Variants in C10orf95 observed in about 807,000 individuals in gnomAD.
C10orf95 encodes the protein chromosome 10 open reading frame 95, also known as uncharacterized protein C10orf95.
For missense variants in C10orf95, 412 were observed against 327.4 expected, an observed-to-expected ratio of 1.26 and a Z score of -1.99; for synonymous variants, 188 against 160.4, an observed-to-expected ratio of 1.17 and a Z score of -1.30.
Position 102,451,111 on chromosome 10 carries a change from G to C in C10orf95, c.-18C>G. 6.9e-7 allele frequency: 1 copy of C among 1,441,962 alleles called. No individual in the cohort carries two copies. The highest frequency in any genetic ancestry group is 9.1e-7 in the Non-Finnish European group (1 of 1,100,320). The allele number at this position is 1,441,962 out of a possible 1,614,324, so 89.3% of individuals were successfully genotyped here. On this transcript the variant is annotated 5_prime_UTR_variant, in exon 2 of 2. Transcript: ENST00000625129. ...ACATACATGGTCGGCCCCCCAGGCG[G>C]CTGCTGTTCTTACTGGGGGCTCCTG...
Position 102,449,851 on chromosome 10 carries a change from T to C in C10orf95, c.*601A>G, listed in dbSNP as rs2061680538. The C allele has an allele frequency of 6.6e-6, 1 of 150,958 alleles. No homozygotes were observed. Among genetic ancestry groups the C allele is most frequent in the Admixed American group, 6.6e-5 (1 of 15,100 alleles). 9.4% of individuals were successfully genotyped at this position (150,958 alleles called of 1,614,324 possible). ...TTTTTTTTTTTGTAGAGACAGGGTT[T>C]CGCCATGTTGCCTAGGCTGGTCTCC... On this transcript the variant is annotated 3_prime_UTR_variant, in exon 2 of 2. Coordinates refer to ENST00000625129, the MANE Select transcript of C10orf95 (RefSeq NM_001363580.1).
intron 1 of C10orf95, 67 bp downstream of exon 1, chr10:102,451,319 C>G: frequency 6.6e-7 from 1 of 1,513,656 alleles, no homozygotes; most frequent in Non-Finnish European, 8.9e-7. Context: ...CTCAGGCTCC[C>G]AGCAGACAAT....
chr10:102,450,201 G>T lies in C10orf95; in HGVS notation c.*251C>A. On this transcript the variant is annotated 3_prime_UTR_variant, in exon 2 of 2. Transcript: ENST00000625129. Reference sequence around the variant, plus strand: ...CACTTCCCAAGGTGCAAGAAGAAAAGAGGTACAGAACACCCAGAGGTGCCC... The same window carrying T: ...CACTTCCCAAGGTGCAAGAAGAAAATAGGTACAGAACACCCAGAGGTGCCC... 2 of 629,664 alleles carry T rather than the reference G, an allele frequency of 3.2e-6. No individual in the cohort carries two copies. Among genetic ancestry groups the T allele is most frequent in the African/African-American group, 1.8e-5 (1 of 55,054 alleles). 39.0% of individuals were successfully genotyped at this position (629,664 alleles called of 1,614,324 possible).
rs1564629122 is a variant in C10orf95 at position 102,451,540 on chromosome 10, G to GTCTGTCTACACCTGGGTGAGC, written c.-210_-209insGCTCACCCAGGTGTAGACAGA. 1 of 1,288,048 alleles carries GTCTGTCTACACCTGGGTGAGC rather than the reference G, an allele frequency of 7.8e-7. No individual in the cohort carries two copies. Among genetic ancestry groups the GTCTGTCTACACCTGGGTGAGC allele is most frequent in the Admixed American group, 2.1e-5 (1 of 47,118 alleles). 79.8% of individuals were successfully genotyped at this position (1,288,048 alleles called of 1,614,324 possible). On this transcript the variant is annotated 5_prime_UTR_variant, in exon 1 of 2. Coordinates refer to ENST00000625129, the MANE Select transcript of C10orf95 (RefSeq NM_001363580.1). ...CTTGAGCTGGCCAGGAGCTACCAGC[G>GTCTGTCTACACCTGGGTGAGC]TCTGTCTACACCTGGGTGAGCCGTA...
At chr10:102,451,289 GT>G in intron 1 of C10orf95, 96 bp downstream of exon 1, 1 of 1,454,562 alleles carries the variant, frequency 6.9e-7, no homozygotes, top group Non-Finnish European at 9.1e-7. Flanking sequence ...CTAGCCTCTT[GT>G]CCCAAGGTCG....
chr10:102,450,401 G>C lies in C10orf95; in HGVS notation c.*51C>G, dbSNP rs1187595595. ...TGCCTGTCGGCGGCGGCACACACAG[G>C]AAAGAGCCAAGCGCGTGCACGCGGG... is the stretch of plus-strand genomic sequence containing the variant. On this transcript the variant is annotated 3_prime_UTR_variant, in exon 2 of 2. Transcript: ENST00000625129. The C allele has an allele frequency of 2.0e-5, 31 of 1,515,612 alleles. No homozygotes were observed. Among genetic ancestry groups the C allele is most frequent in the Non-Finnish European group, 2.7e-5 (30 of 1,130,802 alleles). 93.9% of individuals were successfully genotyped at this position (1,515,612 alleles called of 1,614,324 possible). A position where few individuals can be genotyped will look rare whatever the true frequency, so the allele number is the denominator to read the frequency against.
Position 102,450,080 on chromosome 10 carries a change from A to G in C10orf95, c.*372T>C, listed in dbSNP as rs1046223837. On this transcript the variant is annotated 3_prime_UTR_variant, in exon 2 of 2. Coordinates refer to ENST00000625129, the MANE Select transcript of C10orf95 (RefSeq NM_001363580.1). Reference sequence around the variant, plus strand: ...CGACTCTGATAGAGGGAAAAGAGGAAGGGAAAGTTGGGGCTTACTGCAGGG... The same window carrying G: ...CGACTCTGATAGAGGGAAAAGAGGAGGGGAAAGTTGGGGCTTACTGCAGGG... 1 of 289,468 alleles carries G rather than the reference A, an allele frequency of 3.5e-6. No homozygotes were observed. The highest frequency in any genetic ancestry group is 7.1e-6 in the Non-Finnish European group (1 of 141,652). The allele number at this position is 289,468 out of a possible 1,614,324, so 17.9% of individuals were successfully genotyped here.
Position 102,450,794 on chromosome 10 carries a change from C to T in C10orf95, c.300G>A (p.Gln100=). The change falls in exon 2 of 2, where the codon CAG becomes CAA. Residue 100 remains glutamine (Q), a synonymous_variant. Coordinates refer to ENST00000625129, the MANE Select transcript of C10orf95 (RefSeq NM_001363580.1). ...AAAGISGLSL[Q]APAAVAESWA... is the part of the protein sequence containing the mutation. ...AGCTCTCGGCCACCGCCGCGGGCGC[C>T]TGCAGCGACAGTCCCGAGATGCCGG... 2.4e-6 allele frequency: 3 copies of T among 1,267,972 alleles called. No homozygotes were observed. The highest frequency in any genetic ancestry group is 2.7e-5 in the South Asian group (1 of 37,256). 78.5% of individuals were successfully genotyped at this position (1,267,972 alleles called of 1,614,324 possible).
chr10:102,450,292 GAA>G lies in C10orf95; in HGVS notation c.*158_*159del. The G allele has an allele frequency of 1.2e-6, 1 of 802,886 alleles. No individual in the cohort carries two copies. The highest frequency in any genetic ancestry group is 2.1e-6 in the Non-Finnish European group (1 of 481,612). 49.7% of individuals were successfully genotyped at this position (802,886 alleles called of 1,614,324 possible). ...AATAAAGCGAGAGAAACAAGTGCAG[GAA>G]ACTGGCCGGCAGTCATGGGAGAAGC... On this transcript the variant is annotated 3_prime_UTR_variant, in exon 2 of 2. Coordinates refer to ENST00000625129, the MANE Select transcript of C10orf95 (RefSeq NM_001363580.1).
rs2061688568 is a variant in C10orf95 at position 102,450,940 on chromosome 10, A to C, written c.154T>G (p.Trp52Gly). 7.9e-7 allele frequency: 1 copy of C among 1,261,574 alleles called. No individual in the cohort carries two copies. The highest frequency in any genetic ancestry group is 1.5e-5 in the African/African-American group (1 of 65,360). The allele number at this position is 1,261,574 out of a possible 1,614,324, so 78.1% of individuals were successfully genotyped here. A position where few individuals can be genotyped will look rare whatever the true frequency, so the allele number is the denominator to read the frequency against. ...CGGTGGTATTCCCGTGGGGCCGCCC[A>C]CTCGCCCGCATGCAGGCTCCCGGGC... Reference protein sequence around the residue: ...SRPGSLHAGEWAAPREYHRFY... With the variant: ...SRPGSLHAGEGAAPREYHRFY... The change falls in exon 2 of 2, where the codon TGG becomes GGG. Residue 52 changes from tryptophan to glycine, a missense_variant. Physicochemically the swap from Trp to Gly is radical, Grantham distance 184. Coordinates refer to ENST00000625129, the MANE Select transcript of C10orf95 (RefSeq NM_001363580.1).
chr10:102,451,179 T>C (rs2061690878), intron 1 of C10orf95, 32 bp from the exon 2 acceptor site: 7 of 1,469,934 alleles, frequency 4.8e-6, no homozygotes, highest in Non-Finnish European at 5.4e-6. Context: ...GTAGACAGAC[T>C]TTCTACTTAA....
chr10:102,451,104 C>G lies in C10orf95; in HGVS notation c.-11G>C, dbSNP rs73349055. 6.9e-7 allele frequency: 1 copy of G among 1,440,726 alleles called. No individual in the cohort carries two copies. Among genetic ancestry groups the G allele is most frequent in the South Asian group, 1.6e-5 (1 of 62,020 alleles). 89.2% of individuals were successfully genotyped at this position (1,440,726 alleles called of 1,614,324 possible). On this transcript the variant is annotated 5_prime_UTR_variant, in exon 2 of 2. Coordinates refer to ENST00000625129, the MANE Select transcript of C10orf95 (RefSeq NM_001363580.1). ...GCTGTACACATACATGGTCGGCCCC[C>G]CAGGCGGCTGCTGTTCTTACTGGGG...
rs1281061632 is a variant in C10orf95, at chr10:102,450,902, G to A, written c.192C>T (p.Pro64=). Residue 64 remains proline (P), a synonymous_variant, in exon 2 of 2, where the codon CCC becomes CCT. Coordinates refer to ENST00000625129, the MANE Select transcript of C10orf95 (RefSeq NM_001363580.1). ...APREYHRFYG[P]AAPPEAAPPW... ...GCGGCGCGGCCTCGGGTGGCGCGGC[G>A]GGGCCGTAGAAGCGGTGGTATTCCC... The A allele has an allele frequency of 1.6e-6, 2 of 1,236,314 alleles. No homozygotes were observed. Among genetic ancestry groups the A allele is most frequent in the African/African-American group, 3.1e-5 (2 of 64,524 alleles). 76.6% of individuals were successfully genotyped at this position (1,236,314 alleles called of 1,614,324 possible).
chr10:102,451,466 C>A lies in C10orf95; in HGVS notation c.-135G>T. 7.1e-7 allele frequency: 1 copy of A among 1,411,464 alleles called. No individual in the cohort carries two copies. 87.4% of individuals were successfully genotyped at this position (1,411,464 alleles called of 1,614,324 possible). ...ACTTTGTAGCTGCGTTGCTCCGCTC[C>A]ATGCCCTGCCTCAGCCACTCCTCCT... On this transcript the variant is annotated 5_prime_UTR_variant, in exon 1 of 2. The change abolishes an upstream ATG in the 5' untranslated region. Transcript: ENST00000625129.
At position 102,451,507 on chromosome 10, in the gene C10orf95, G is replaced by A; in HGVS notation, c.-176C>T. 7.3e-7 allele frequency: 1 copy of A among 1,367,468 alleles called. No homozygotes were observed. The highest frequency in any genetic ancestry group is 9.7e-7 in the Non-Finnish European group (1 of 1,030,610). The allele number at this position is 1,367,468 out of a possible 1,614,324, so 84.7% of individuals were successfully genotyped here. ...CACTCCTCCTGGTTACCAGGCAAAA[G>A]GAAACACCTTGAGCTGGCCAGGAGC... On this transcript the variant is annotated 5_prime_UTR_variant, in exon 1 of 2. Coordinates refer to ENST00000625129, the MANE Select transcript of C10orf95 (RefSeq NM_001363580.1).
chr10:102,450,350 C>G lies in C10orf95; in HGVS notation c.*102G>C, dbSNP rs1467690072. The G allele has an allele frequency of 7.8e-7, 1 of 1,289,674 alleles. No homozygotes were observed. Among genetic ancestry groups the G allele is most frequent in the South Asian group, 1.3e-5 (1 of 78,898 alleles). The allele number at this position is 1,289,674 out of a possible 1,614,324, so 79.9% of individuals were successfully genotyped here. ...AGACAGGTGAGCAGCGCGTCCGCCT[C>G]CCGCGCACAGGTGAGGGCTCACTTC... On this transcript the variant is annotated 3_prime_UTR_variant, in exon 2 of 2. Coordinates refer to ENST00000625129, the MANE Select transcript of C10orf95 (RefSeq NM_001363580.1).
chr10:102,451,195 TC>T, intron 1 of C10orf95, 48 bp from the exon 2 acceptor site: 1 of 1,461,850 alleles, frequency 6.8e-7, no homozygotes, highest in Non-Finnish European at 9.0e-7. Context: ...CTTAACCGCC[TC>T]CTGTCCCTGT....
rs2061684558 is a variant in C10orf95 at position 102,450,502 on chromosome 10, G to T, written c.592C>A (p.Arg198=). The T allele has an allele frequency of 7.0e-7, 1 of 1,436,336 alleles. No homozygotes were observed. The highest frequency in any genetic ancestry group is 1.5e-5 in the African/African-American group (1 of 66,898). 89.0% of individuals were successfully genotyped at this position (1,436,336 alleles called of 1,614,324 possible). A position where few individuals can be genotyped will look rare whatever the true frequency, so the allele number is the denominator to read the frequency against. Residue 198 remains arginine (R), a synonymous_variant, in exon 2 of 2, where the codon CGG becomes AGG. Transcript: ENST00000625129. ...RPDSGDSSPA[R]EAAERGRPRK... The stretch of plus-strand genomic sequence containing the variant: ...GGGCGGCCGCGCTCCGCGGCTTCCC[G>T]GGCTGGGCTGCTGTCGCCGCTGTCG...
chr10:102,450,748 C>T lies in C10orf95; in HGVS notation c.346G>A (p.Gly116Arg). The change falls in exon 2 of 2, where the codon GGG becomes AGG. Residue 116 changes from glycine to arginine, a missense_variant. Gly to Arg is a moderately radical substitution (Grantham distance 125). Transcript: ENST00000625129. ...AESWAPWPEGGSLQTELRWGR... is the reference protein window; with the variant it reads ...AESWAPWPEGRSLQTELRWGR... Reference sequence around the variant, plus strand: ...CAGCGCAGCTCGGTTTGCAGGCTCCCGCCCTCCGGCCACGGCGCCCAGCTC... The same window carrying T: ...CAGCGCAGCTCGGTTTGCAGGCTCCTGCCCTCCGGCCACGGCGCCCAGCTC... 3 of 1,314,488 alleles carry T rather than the reference C, an allele frequency of 2.3e-6. No individual in the cohort carries two copies. Among genetic ancestry groups the T allele is most frequent in the Non-Finnish European group, 1.9e-6 (2 of 1,027,728 alleles). The allele number at this position is 1,314,488 out of a possible 1,614,324, so 81.4% of individuals were successfully genotyped here.
Sources: gnomAD v4.1 joint callset for allele counts on GRCh38, gnomAD v4.1.1 for gene constraint, MANE v1.5 for transcripts, NCBI Gene and HGNC (gene_info 2026-07-23, HGNC 2026-07-21) for gene names.